TRPC5: variants seen among roughly 807,000 people sequenced by gnomAD.
TRPC5 encodes the protein transient receptor potential cation channel subfamily C member 5.
In TRPC5, 9 loss-of-function variants were observed where a neutral mutation model predicts 56.5. The observed-to-expected ratio is 0.16, with a 90% CI of 0.10 to 0.28. The LOEUF (loss-of-function observed/expected upper bound fraction) is 0.28, where lower values mean the gene tolerates loss of function less well. TRPC5 is among the 10% of genes least tolerant of loss of function. The pLI is 1.00. For missense variants in TRPC5, 469 were observed against 748.9 expected, an observed-to-expected ratio of 0.63 and a Z score of 4.36; for synonymous variants, 282 against 278.5, an observed-to-expected ratio of 1.01 and a Z score of -0.13.
At chrX:111,864,296 C>G (rs1054309164) in intron 3 of TRPC5, among the ~76,000 whole-genome samples, 1 of 112,306 alleles carries the variant, frequency 8.9e-6, no homozygotes. Flanking sequence ...CCCATAGTGT[C>G]TAATTCGTTT....
chrX:111,797,284 T>C (rs1157666777), intron 7 of TRPC5, among the ~76,000 whole-genome samples: 1 of 112,201 alleles, frequency 8.9e-6, no homozygotes, highest in East Asian at 2.8e-4. Flanking sequence ...ATGTGAAATA[T>C]TGAAAGTTTT....
chrX:112,029,767 T>G (rs1929534030), intron 1 of TRPC5, among the ~76,000 whole-genome samples: 1 of 111,307 alleles, frequency 9.0e-6, no homozygotes, highest in African/African-American at 3.3e-5. Flanking sequence ...AGAGGACCCT[T>G]AAATGATACT....
rs776156734 is a variant in TRPC5, at chrX:111,792,263, C to T, written c.1897-10125G>A. Among the ~76,000 whole-genome samples the T allele has an allele frequency of 1.5e-4, 16 of 110,345 alleles. No individual in the cohort carries two copies. The South Asian group carries it at 6.0e-3, about 41-fold the overall frequency. ...ATAAGTGGGAGTTGAACAATGAGAA[C>T]ACATGGACACAGAGAGGGGAACATC... On this transcript the variant is annotated intron_variant, in intron 7 of 10. Coordinates refer to ENST00000262839, the MANE Select transcript of TRPC5 (RefSeq NM_012471.3).
chrX:111,801,926 C>A (rs1921323575), intron 7 of TRPC5, among the ~76,000 whole-genome samples: 1 of 111,838 alleles, frequency 8.9e-6, no homozygotes, highest in Admixed American at 9.5e-5. Context: ...ATCACTTGTG[C>A]TTCCAGTGTC....
chrX:111,950,050 C>T (rs758276763), intron 2 of TRPC5, among the ~76,000 whole-genome samples: 20 of 111,546 alleles, frequency 1.8e-4, no homozygotes, highest in East Asian at 1.1e-3. Context: ...GTTGGCTGGG[C>T]GCGGTGGCTC....
rs1930528421 is a variant in TRPC5, at chrX:112,064,268, G to A, written c.-22+17611C>T. Among the ~76,000 whole-genome samples the A allele has an allele frequency of 2.7e-5, 3 of 111,674 alleles. No homozygotes were observed. In the South Asian group the frequency reaches 1.1e-3, roughly 42 times the overall value. ...CAACTTTCTTGCTGTCAGGTAGATA[G>A]CATTATATCTCAAGCCATGGAGAGG... is the stretch of plus-strand genomic sequence containing the variant. On this transcript the variant is annotated intron_variant, in intron 1 of 10. Coordinates refer to ENST00000262839, the MANE Select transcript of TRPC5 (RefSeq NM_012471.3).
chrX:111,995,393 C>T (rs1462487389), intron 1 of TRPC5, among the ~76,000 whole-genome samples: 1 of 111,768 alleles, frequency 8.9e-6, no homozygotes, highest in African/African-American at 3.3e-5. Context: ...ATTTTCACAT[C>T]GATGTTCATC....
rs1306887627 is a variant in TRPC5 at position 111,781,930 on chromosome X, C to T, written c.2100+5G>A. The T allele has an allele frequency of 8.5e-7, 1 of 1,176,078 alleles. No homozygotes were observed. The highest frequency in any genetic ancestry group is 1.8e-5 in the African/African-American group (1 of 55,565). On this transcript the variant is annotated splice_donor_5th_base_variant and intron_variant, in intron 8 of 10. Transcript: ENST00000262839. ...AAATTAAGTTTTCAAAATTAAAAGT[C>T]TTACTGTGAAACTTCTCAAGTTGCG... is the stretch of plus-strand genomic sequence containing the variant.
intron 3 of TRPC5, chrX:111,901,806 A>G: frequency 1.0e-6 from 1 of 993,657 alleles, no homozygotes; most frequent in East Asian, 3.3e-5. Context: ...TCCATTTGCT[A>G]GAGCTTTTAG....
At chrX:111,976,448 TAATAA>T (rs1383059187) in intron 1 of TRPC5, among the ~76,000 whole-genome samples, 1 of 110,232 alleles carries the variant, frequency 9.1e-6, no homozygotes, top group African/African-American at 3.3e-5. Flanking sequence ...AATAAATAAA[TAATAA>T]AATAAGTAAA....
At chrX:111,955,118 G>A (rs776183091) in intron 1 of TRPC5, among the ~76,000 whole-genome samples, 15 of 111,831 alleles carry the variant, frequency 1.3e-4, no homozygotes, top group East Asian at 2.8e-4. Flanking sequence ...AAGTATAATC[G>A]GATGATATAT....
chrX:111,868,606 T>C (rs1421745147), intron 3 of TRPC5, among the ~76,000 whole-genome samples: 1 of 112,348 alleles, frequency 8.9e-6, no homozygotes, highest in Non-Finnish European at 1.9e-5. Flanking sequence ...CCATGTTTCC[T>C]AAAAGAAATC....
chrX:111,870,089 G>A (rs780225988), intron 3 of TRPC5, among the ~76,000 whole-genome samples: 1 of 112,117 alleles, frequency 8.9e-6, no homozygotes, highest in South Asian at 3.7e-4. Flanking sequence ...CAAGAGGCAA[G>A]GCATTGTGAT....
chrX:112,010,251 T>C (rs972350350), intron 1 of TRPC5, among the ~76,000 whole-genome samples: 5 of 112,188 alleles, frequency 4.5e-5, no homozygotes, highest in Non-Finnish European at 9.4e-5. Context: ...CTTTCCCACT[T>C]ACCAGCTCAA....
At chrX:111,808,509 T>C (rs1453943168) in intron 7 of TRPC5, among the ~76,000 whole-genome samples, 1 of 111,068 alleles carries the variant, frequency 9.0e-6, no homozygotes, top group Admixed American at 9.6e-5. Flanking sequence ...TTGCAATGAA[T>C]GCTGCCAGTC....
intron 3 of TRPC5, among the ~76,000 whole-genome samples, chrX:111,875,570 TTC>T (rs1232949511): frequency 1.0e-5 from 1 of 99,191 alleles, no homozygotes; most frequent in African/African-American, 4.5e-5. Flanking sequence ...TCTTTTTTCT[TTC>T]TTTTTTTTTT....
At chrX:111,792,298 G>T (rs1293456855) in intron 7 of TRPC5, among the ~76,000 whole-genome samples, 1 of 109,784 alleles carries the variant, frequency 9.1e-6, no homozygotes, top group Non-Finnish European at 1.9e-5. Flanking sequence ...CACATACCAG[G>T]GCCTGTTGGG....
At chrX:111,902,379 A>G in intron 3 of TRPC5, 1 of 317,411 alleles carries the variant, frequency 3.2e-6, no homozygotes, top group Non-Finnish European at 5.4e-6. Context: ...CTTTGTTGTT[A>G]TTCAGAAAGT....
rs895898269 is a variant in TRPC5 at position 111,852,932 on chromosome X, C to T, written c.1238-495G>A. On this transcript the variant is annotated intron_variant, in intron 4 of 10. Transcript: ENST00000262839. ...ATGGGGCCCAAAATAATTTATAACT[C>T]ATTTTTTTTTCCTTTTTTCTCTCAT... Among the ~76,000 whole-genome samples the T allele has an allele frequency of 7.4e-5, 8 of 108,691 alleles. No homozygotes were observed. The Admixed American group carries it at 7.8e-4, about 11-fold the overall frequency. 94.4% of individuals were successfully genotyped at this position (108,691 alleles called of 115,157 possible). A position where few individuals can be genotyped will look rare whatever the true frequency, so the allele number is the denominator to read the frequency against.
Sources: gnomAD v4.1 joint callset for allele counts (sites outside exome capture counted in the v4.1 genomes callset) on GRCh38, gnomAD v4.1.1 for gene constraint, MANE v1.5 for transcripts, NCBI Gene and HGNC (gene_info 2026-07-23, HGNC 2026-07-21) for gene names.